CASK: variants seen among roughly 807,000 people sequenced by gnomAD.
CASK encodes the protein calcium/calmodulin dependent serine protein kinase.
In CASK, 4 loss-of-function variants were observed where a neutral mutation model predicts 82.9. That is an observed-to-expected ratio of 0.05 (90% CI 0.02 to 0.11). CASK has a LOEUF of 0.11. Ranked by LOEUF, CASK falls within the 10% of genes least tolerant of loss-of-function variation. The pLI is 1.00. For missense variants in CASK, 358 were observed against 720.9 expected (o/e 0.50, Z 5.76); for synonymous variants, 259 against 253.5 (o/e 1.02, Z -0.20).
At chrX:41,830,817 C>CAAAAAAA (rs780864898) in intron 2 of CASK, among the ~76,000 whole-genome samples, 1 of 36,962 alleles carries the variant, frequency 2.7e-5, no homozygotes, top group Non-Finnish European at 4.7e-5. Context: ...GAGACTCTGC[C>CAAAAAAA]AAAAAAAAAA....
intron 5 of CASK, among the ~76,000 whole-genome samples, chrX:41,686,696 A>G (rs2067447434): frequency 8.9e-6 from 1 of 111,774 alleles, no homozygotes; most frequent in Non-Finnish European, 1.9e-5. Context: ...GAGACCAATC[A>G]GCATCATTGA....
At chrX:41,779,076 G>A (rs1328614879) in intron 3 of CASK, among the ~76,000 whole-genome samples, 13 of 111,863 alleles carry the variant, frequency 1.2e-4, no homozygotes, top group Non-Finnish European at 2.1e-4. Context: ...GCCCTTGAGA[G>A]GTTTATCTGG....
At chrX:41,560,411 G>A (rs2065211888) in intron 17 of CASK, among the ~76,000 whole-genome samples, 1 of 106,815 alleles carries the variant, frequency 9.4e-6, no homozygotes, top group African/African-American at 3.4e-5. Context: ...TTATAGGCAC[G>A]CGCCACCATG....
At chrX:41,689,034 G>A (rs1435488104) in intron 5 of CASK, 3 of 111,607 alleles carry the variant, frequency 2.7e-5, no homozygotes, top group Non-Finnish European at 5.7e-5. Flanking sequence ...GAGTCTCAGT[G>A]TCTAGGGAAG....
intron 8 of CASK, among the ~76,000 whole-genome samples, chrX:41,656,746 T>C (rs111732408): frequency 0.048 from 5,275 of 110,505 alleles, 128 homozygotes; most frequent in Non-Finnish European, 0.078. Context: ...TGGTAGAGGA[T>C]GCTGTTATGA....
intron 3 of CASK, among the ~76,000 whole-genome samples, chrX:41,765,885 G>GA (rs764812551): frequency 7.3e-5 from 8 of 110,122 alleles, no homozygotes; most frequent in Non-Finnish European, 1.1e-4. Flanking sequence ...AAAGCAAGGA[G>GA]AAAAAAAAGA....
intron 17 of CASK, among the ~76,000 whole-genome samples, chrX:41,560,976 T>C (rs2065220624): frequency 1.8e-5 from 2 of 111,634 alleles, no homozygotes. Flanking sequence ...GCTACTACAC[T>C]GCAGTGGGAA....
intron 1 of CASK, among the ~76,000 whole-genome samples, chrX:41,862,220 C>T (rs952128899): frequency 3.6e-5 from 4 of 110,086 alleles, no homozygotes; most frequent in African/African-American, 1.3e-4. Context: ...CAATGGCCTA[C>T]AGCCAAGTCA....
chrX:41,668,695 G>A (rs191127124), intron 6 of CASK, among the ~76,000 whole-genome samples: 20 of 111,162 alleles, frequency 1.8e-4, no homozygotes, highest in African/African-American at 5.6e-4. Flanking sequence ...ACAGGAAAAT[G>A]GCTTTCTGCT....
intron 26 of CASK, among the ~76,000 whole-genome samples, chrX:41,523,428 G>A (rs970326980): frequency 8.9e-6 from 1 of 112,429 alleles, no homozygotes; most frequent in African/African-American, 3.2e-5. Context: ...AGGATAACTT[G>A]GTATAAGAGT....
intron 1 of CASK, among the ~76,000 whole-genome samples, chrX:41,906,499 T>C (rs752599029): frequency 6.2e-5 from 7 of 112,453 alleles, no homozygotes; most frequent in Non-Finnish European, 5.6e-5. Context: ...TCTACACATT[T>C]GGCAGAACTT....
At chrX:41,849,730 G>T (rs1408547668) in intron 2 of CASK, among the ~76,000 whole-genome samples, 1 of 112,358 alleles carries the variant, frequency 8.9e-6, no homozygotes, top group African/African-American at 3.2e-5. Flanking sequence ...GATGGCAAAA[G>T]TAGAGAACAG....
intron 1 of CASK, among the ~76,000 whole-genome samples, chrX:41,905,598 A>G (rs774599740): frequency 9.7e-5 from 11 of 113,246 alleles, no homozygotes; most frequent in Non-Finnish European, 2.1e-4. Context: ...ACATCTGGCT[A>G]GTGGCTACAA....
chrX:41,862,484 T>C (rs1043497673), intron 1 of CASK, among the ~76,000 whole-genome samples: 3 of 95,331 alleles, frequency 3.1e-5, no homozygotes, highest in Admixed American at 1.3e-4. Flanking sequence ...GAGGTTGCAG[T>C]GAGCAGAGAT....
At chrX:41,922,417 TG>T (rs1021137839) in intron 1 of CASK, among the ~76,000 whole-genome samples, 2 of 111,499 alleles carry the variant, frequency 1.8e-5, no homozygotes, top group Non-Finnish European at 3.8e-5. Context: ...GGGAATTTGC[TG>T]AAACTGAAAG....
At chrX:41,845,443 T>C (rs984339819) in intron 2 of CASK, among the ~76,000 whole-genome samples, 2 of 112,197 alleles carry the variant, frequency 1.8e-5, no homozygotes, top group Non-Finnish European at 3.8e-5. Context: ...TGTCCTTCTT[T>C]AGTAACAATT....
At chrX:41,881,065 C>T (rs1374343761) in intron 1 of CASK, among the ~76,000 whole-genome samples, 1 of 111,742 alleles carries the variant, frequency 8.9e-6, no homozygotes, top group Non-Finnish European at 1.9e-5. Flanking sequence ...CCCCCAATGC[C>T]TTTGTGTAAA....
At position 41,533,933 on chromosome X, in the gene CASK, C is replaced by T. The variant is rs776349245; in HGVS notation, c.2317+773G>A. 1.9e-3 allele frequency among the ~76,000 whole-genome samples: 213 copies of T among 111,926 alleles called. 1 individual carries two copies. Among genetic ancestry groups the T allele is most frequent in the African/African-American group, 6.6e-3 (203 of 30,795 alleles). ...TCAGCCTCCCAAAGTGCTGGAATTA[C>T]AGGCATGAGCCACCGCGCCTGGCCT... On this transcript the variant is annotated intron_variant, in intron 24 of 26. Coordinates refer to ENST00000378163, the MANE Select transcript of CASK (RefSeq NM_001367721.1).
At chrX:41,596,131 G>A (rs2065817195) in intron 12 of CASK, among the ~76,000 whole-genome samples, 1 of 104,060 alleles carries the variant, frequency 9.6e-6, no homozygotes, top group Non-Finnish European at 2.0e-5. Flanking sequence ...AGAGGTGGAG[G>A]TTAAGGTGAG....
Sources: gnomAD v4.1 joint callset for allele counts (sites outside exome capture counted in the v4.1 genomes callset) on GRCh38, gnomAD v4.1.1 for gene constraint, MANE v1.5 for transcripts, NCBI Gene and HGNC (gene_info 2026-07-23, HGNC 2026-07-21) for gene names.